DMD: variants seen among roughly 807,000 people sequenced by gnomAD.
DMD encodes dystrophin.
DMD carries 63 observed loss-of-function variants against 330.1 expected under a neutral mutation model. That is an observed-to-expected ratio of 0.19 (90% CI 0.16 to 0.24). The LOEUF is 0.24. Ranked by LOEUF, DMD falls within the 10% of genes least tolerant of loss-of-function variation. The probability of loss-of-function intolerance (pLI) is 1.00; values close to 1 mark genes in which losing one functional copy is unlikely to be tolerated. For missense variants in DMD, 3,344 were observed against 2,684.1 expected (o/e 1.25, Z -5.43); for synonymous variants, 1,223 against 959.8 (o/e 1.27, Z -5.07).
intron 52 of DMD, among the ~76,000 whole-genome samples, chrX:31,720,474 G>A (rs2085384202): frequency 9.0e-6 from 1 of 111,348 alleles, no homozygotes; most frequent in South Asian, 3.8e-4. Flanking sequence ...GACCCTGTAG[G>A]TCATAAGATA....
At chrX:32,160,722 G>A (rs193218241) in intron 44 of DMD, among the ~76,000 whole-genome samples, 391 of 110,374 alleles carry the variant, frequency 3.5e-3, no homozygotes, top group African/African-American at 0.012. Flanking sequence ...AGGTTTTTTT[G>A]ATGTAGTTTT....
At position 33,266,951 on chromosome X, in the gene DMD, A is replaced by G. The variant is rs188672148; in HGVS notation, c.7+72308T>C. Among the ~76,000 whole-genome samples the G allele has an allele frequency of 1.6e-3, 175 of 110,466 alleles. 1 individual carries two copies. Among genetic ancestry groups the G allele is most frequent in the African/African-American group, 5.5e-3 (168 of 30,399 alleles). On this transcript the variant is annotated intron_variant, in intron 1 of 17. Coordinates refer to the DMD transcript ENST00000288447. Reference sequence around the variant, plus strand: ...GAACTGGAACAAAACAAGGATGCCCACTCTCACCAGTTTTATTAAACATAG... The same window carrying G: ...GAACTGGAACAAAACAAGGATGCCCGCTCTCACCAGTTTTATTAAACATAG...
At chrX:32,807,634 T>A (rs1013172182) in intron 7 of DMD, among the ~76,000 whole-genome samples, 1 of 111,604 alleles carries the variant, frequency 9.0e-6, no homozygotes, top group African/African-American at 3.3e-5. Flanking sequence ...ACACTATTCA[T>A]GTACCTGCCT....
intron 55 of DMD, among the ~76,000 whole-genome samples, chrX:31,557,434 G>A (rs1222192391): frequency 8.9e-6 from 1 of 111,825 alleles, no homozygotes; most frequent in Non-Finnish European, 1.9e-5. Flanking sequence ...ATTGGAAACA[G>A]AGTCATCTCC....
chrX:32,503,279 C>T (rs1259733185), intron 18 of DMD, among the ~76,000 whole-genome samples: 1 of 111,449 alleles, frequency 9.0e-6, no homozygotes, highest in Non-Finnish European at 1.9e-5. Context: ...CCCAGCTACT[C>T]AGGAATCTGA....
intron 44 of DMD, among the ~76,000 whole-genome samples, chrX:32,061,251 C>T (rs1195410422): frequency 9.0e-6 from 1 of 110,763 alleles, no homozygotes; most frequent in African/African-American, 3.3e-5. Flanking sequence ...CAGGCTAGTA[C>T]ATGTTTACTT....
intron 7 of DMD, among the ~76,000 whole-genome samples, chrX:32,755,963 G>A (rs2071451504): frequency 8.9e-6 from 1 of 112,388 alleles, no homozygotes; most frequent in African/African-American, 3.2e-5. Context: ...AATTGTGATT[G>A]CAAATATTAA....
chrX:32,985,179 A>G (rs1425872373), intron 2 of DMD, among the ~76,000 whole-genome samples: 1 of 112,439 alleles, frequency 8.9e-6, no homozygotes, highest in African/African-American at 3.2e-5. Flanking sequence ...ACTTGTATCT[A>G]TATAAAATGC....
intron 9 of DMD, among the ~76,000 whole-genome samples, chrX:32,678,850 C>T (rs1342633585): frequency 1.8e-5 from 2 of 111,438 alleles, no homozygotes; most frequent in South Asian, 3.7e-4. Context: ...TGACTCCCTC[C>T]TTACAACTTT....
intron 55 of DMD, among the ~76,000 whole-genome samples, chrX:31,538,102 G>A (rs528471427): frequency 9.0e-6 from 1 of 111,553 alleles, no homozygotes; most frequent in African/African-American, 3.3e-5. Flanking sequence ...GCCATTTTTC[G>A]TACCTTTTGT....
chrX:32,913,151 C>A (rs777593177), intron 2 of DMD, among the ~76,000 whole-genome samples: 1 of 111,298 alleles, frequency 9.0e-6, no homozygotes, highest in African/African-American at 3.3e-5. Flanking sequence ...TTGTGAAAAA[C>A]GATTTTCCCC....
chrX:32,935,742 A>C (rs982330644), intron 2 of DMD, among the ~76,000 whole-genome samples: 2 of 111,306 alleles, frequency 1.8e-5, no homozygotes, highest in African/African-American at 6.5e-5. Context: ...GGAAAAAAAA[A>C]CAATTCTATC....
intron 2 of DMD, among the ~76,000 whole-genome samples, chrX:32,939,544 A>G (rs1462181768): frequency 9.0e-6 from 1 of 111,682 alleles, no homozygotes; most frequent in Admixed American, 9.6e-5. Flanking sequence ...GGAAATAAAA[A>G]CCATTAAGTT....
chrX:31,296,490 A>T (rs914953897), intron 62 of DMD, among the ~76,000 whole-genome samples: 1 of 111,971 alleles, frequency 8.9e-6, no homozygotes, highest in South Asian at 3.8e-4. Context: ...TGCAGTATGT[A>T]GAAAGATTCT....
chrX:32,448,718 C>G (rs2098315677), intron 26 of DMD, 80 bp from the exon 27 acceptor site: 9 of 908,187 alleles, frequency 9.9e-6, no homozygotes, highest in Middle Eastern at 8.4e-4. Flanking sequence ...CATATAATTT[C>G]TTTCTCACAA....
intron 1 of DMD, among the ~76,000 whole-genome samples, chrX:33,183,100 T>C (rs2050078432): frequency 1.8e-5 from 2 of 112,011 alleles, no homozygotes; most frequent in African/African-American, 6.5e-5. Flanking sequence ...TATTTCCTAA[T>C]TTCAAAACTA....
chrX:32,335,972 TATAAC>T (rs1185511425), intron 41 of DMD, among the ~76,000 whole-genome samples: 2 of 101,353 alleles, frequency 2.0e-5, no homozygotes, highest in Non-Finnish European at 4.0e-5. Flanking sequence ...TGTATATGTG[TATAAC>T]ATGTTATATA....
At chrX:32,539,680 C>T (rs777128898) in intron 17 of DMD, among the ~76,000 whole-genome samples, 9 of 111,668 alleles carry the variant, frequency 8.1e-5, no homozygotes, top group East Asian at 5.6e-4. Context: ...AACTGCAGAG[C>T]GGTCTTATCT....
At chrX:32,792,625 GTA>G (rs1314565137) in intron 7 of DMD, among the ~76,000 whole-genome samples, 3 of 112,103 alleles carry the variant, frequency 2.7e-5, no homozygotes, top group Non-Finnish European at 5.6e-5. Flanking sequence ...GGATGGAAAA[GTA>G]TATTTTATGC....
Sources: gnomAD v4.1 joint callset for allele counts (sites outside exome capture counted in the v4.1 genomes callset) on GRCh38, gnomAD v4.1.1 for gene constraint, MANE v1.5 for transcripts, NCBI Gene and HGNC (gene_info 2026-07-23, HGNC 2026-07-21) for gene names.